The following PDE1C variants were observed in gnomAD, a reference collection of about 807,000 sequenced individuals.
PDE1C encodes the protein phosphodiesterase 1C.
In PDE1C, 62 loss-of-function variants were observed where a neutral mutation model predicts 93.1. The observed-to-expected ratio is 0.67, with a 90% CI of 0.54 to 0.82. PDE1C has a LOEUF of 0.82. Among genes scored for constraint, PDE1C ranks in the 40% least tolerant of loss-of-function variants. The pLI, the probability that PDE1C is intolerant of heterozygous loss-of-function variation, is 0.00. For missense variants in PDE1C, 742 were observed against 884.6 expected (o/e 0.84, Z 2.04); for synonymous variants, 325 against 310.1 (o/e 1.05, Z -0.50).
chr7:31,696,937 TTC>T, the PDE1C span: 4 of 1,609,810 alleles, frequency 2.5e-6, no homozygotes, highest in Middle Eastern at 1.7e-4. Context: ...TTGATCCTGT[TTC>T]TCTCTGTGTT....
At chr7:31,632,063 C>G in the PDE1C span, among the ~76,000 whole-genome samples, 1 of 152,286 alleles carries the variant, frequency 6.6e-6, no homozygotes, top group South Asian at 2.1e-4. Flanking sequence ...GGCTTATTCT[C>G]TTCAGAATAT....
intron 2 of PDE1C, among the ~76,000 whole-genome samples, chr7:32,019,204 CA>C (rs1267651996): frequency 6.8e-6 from 1 of 146,078 alleles, no homozygotes; most frequent in African/African-American, 2.5e-5. Context: ...TCCCTGGAAG[CA>C]CAAGGCTGCG....
the PDE1C span, chr7:31,653,118 T>A: frequency 1.9e-6 from 1 of 528,932 alleles, no homozygotes; most frequent in Non-Finnish European, 2.8e-6. Context: ...GGAGATAGAA[T>A]TGCAAACAAA....
At chr7:31,667,043 G>A in the PDE1C span, among the ~76,000 whole-genome samples, 1 of 152,112 alleles carries the variant, frequency 6.6e-6, no homozygotes, top group Non-Finnish European at 1.5e-5. Flanking sequence ...ATGAAGTCGG[G>A]ATGTGGGCTA....
chr7:31,998,291 T>A (rs922561610), intron 2 of PDE1C, among the ~76,000 whole-genome samples: 2 of 152,172 alleles, frequency 1.3e-5, no homozygotes, highest in African/African-American at 4.8e-5. Context: ...AGTGCTGGGA[T>A]TACAAGTGTG....
At chr7:31,620,700 C>T in the PDE1C span, among the ~76,000 whole-genome samples, 6 of 151,906 alleles carry the variant, frequency 3.9e-5, no homozygotes, top group African/African-American at 1.5e-4. Context: ...AAAAGCAGAG[C>T]ACCTCTCCTC....
chr7:32,246,881 T>G (rs1215925931), intron 1 of PDE1C, among the ~76,000 whole-genome samples: 1 of 152,236 alleles, frequency 6.6e-6, no homozygotes, highest in African/African-American at 2.4e-5. Flanking sequence ...GCTATAATTT[T>G]GAATTAAATG....
At position 32,247,638 on chromosome 7, in the gene PDE1C, T is replaced by C. The variant is rs561819945; in HGVS notation, c.86-38099A>G. 2.6e-5 allele frequency among the ~76,000 whole-genome samples: 4 copies of C among 152,320 alleles called. No homozygotes were observed. The East Asian group carries it at 5.8e-4, about 22-fold the overall frequency. On this transcript the variant is annotated intron_variant, in intron 1 of 18. Transcript: ENST00000396193. ...ATAGAAACTGTATTTCAAGTACCCA[T>C]ATAATCATTCTGTTTCTCACTTTTA...
At chr7:32,019,235 G>C (rs1390882931) in intron 2 of PDE1C, among the ~76,000 whole-genome samples, 1 of 151,716 alleles carries the variant, frequency 6.6e-6, no homozygotes, top group African/African-American at 2.4e-5. Context: ...AAACATCCTG[G>C]AAGCAGCAAT....
intron 1 of PDE1C, among the ~76,000 whole-genome samples, chr7:32,062,974 C>T (rs894374064): frequency 3.3e-5 from 5 of 152,196 alleles, no homozygotes; most frequent in African/African-American, 1.2e-4. Context: ...CTAGGAACAT[C>T]TAGCTTTGTC....
At chr7:31,818,822 A>G (rs1788594985) in intron 14 of PDE1C, among the ~76,000 whole-genome samples, 1 of 152,164 alleles carries the variant, frequency 6.6e-6, no homozygotes, top group Non-Finnish European at 1.5e-5. Context: ...TCAATATTCA[A>G]AATAACCCCA....
chr7:31,820,208 A>G (rs1788793081), intron 14 of PDE1C, among the ~76,000 whole-genome samples: 4 of 151,512 alleles, frequency 2.6e-5, no homozygotes, highest in Admixed American at 1.3e-4. Flanking sequence ...TTACTTATAC[A>G]TATGTACAGA....
At chr7:32,140,839 TC>T (rs1800482723) in intron 3 of PDE1C, among the ~76,000 whole-genome samples, 1 of 152,174 alleles carries the variant, frequency 6.6e-6, no homozygotes, top group Non-Finnish European at 1.5e-5. Flanking sequence ...AGGGAGTGAA[TC>T]CAGCAGCATC....
At chr7:32,042,194 G>A (rs1791915530) in intron 2 of PDE1C, among the ~76,000 whole-genome samples, 2 of 152,194 alleles carry the variant, frequency 1.3e-5, no homozygotes, top group South Asian at 4.1e-4. Flanking sequence ...CAGCTACTCA[G>A]GAAGCTGAGA....
the PDE1C span, among the ~76,000 whole-genome samples, chr7:31,648,581 A>T: frequency 6.6e-6 from 1 of 152,200 alleles, no homozygotes; most frequent in Non-Finnish European, 1.5e-5. Context: ...CCCCAGTCTT[A>T]TACCTTTCAA....
chr7:31,869,536 T>C (rs1408820324), intron 6 of PDE1C, among the ~76,000 whole-genome samples: 1 of 152,028 alleles, frequency 6.6e-6, no homozygotes, highest in Non-Finnish European at 1.5e-5. Context: ...AAAGTCATGG[T>C]ATAATGAAAA....
intron 2 of PDE1C, among the ~76,000 whole-genome samples, chr7:32,191,118 C>G (rs192157631): frequency 1.3e-5 from 2 of 151,978 alleles, no homozygotes; most frequent in African/African-American, 4.8e-5. Context: ...TTCTGCAGGC[C>G]GTGAGAAGTC....
the PDE1C span, among the ~76,000 whole-genome samples, chr7:31,623,982 C>A: frequency 6.7e-6 from 1 of 149,126 alleles, no homozygotes; most frequent in Admixed American, 6.7e-5. Context: ...CAATAACAGA[C>A]AAACAGAGAG....
chr7:32,092,255 A>C (rs764946756), intron 3 of PDE1C, among the ~76,000 whole-genome samples: 4 of 152,066 alleles, frequency 2.6e-5, no homozygotes, highest in Non-Finnish European at 4.4e-5. Flanking sequence ...TTTTCACTGG[A>C]TTTGAGTTTT....
Sources: allele counts gnomAD v4.1 joint callset (sites outside exome capture counted in the v4.1 genomes callset), GRCh38; gene constraint gnomAD v4.1.1; transcripts MANE v1.5; gene names NCBI Gene and HGNC (gene_info 2026-07-23, HGNC 2026-07-21).